The following IMMP2L variants were observed in gnomAD, a reference collection of about 807,000 sequenced individuals.
IMMP2L encodes the protein inner mitochondrial membrane peptidase subunit 2.
Under a neutral mutation model 19.3 loss-of-function variants are expected in IMMP2L, and 18 were observed. The observed-to-expected ratio is 0.93, with a 90% CI of 0.64 to 1.38. IMMP2L has a LOEUF of 1.38. IMMP2L is among the 40% of genes most tolerant of loss of function. The pLI, the probability that IMMP2L is intolerant of heterozygous loss-of-function variation, is 0.00. For synonymous variants in IMMP2L, 76 were observed against 73.0 expected, an observed-to-expected ratio of 1.04 and a Z score of -0.21; for missense variants, 233 against 218.2, an observed-to-expected ratio of 1.07 and a Z score of -0.43.
chr7:111,296,005 C>G (rs1422039543), intron 3 of IMMP2L, among the ~76,000 whole-genome samples: 7 of 133,286 alleles, frequency 5.3e-5, no homozygotes, highest in Non-Finnish European at 1.1e-4. Flanking sequence ...AAAAAAAGCA[C>G]TAAAAATGAA....
At chr7:111,529,019 G>A (rs1847146174) in intron 1 of IMMP2L, among the ~76,000 whole-genome samples, 1 of 152,108 alleles carries the variant, frequency 6.6e-6, no homozygotes, top group African/African-American at 2.4e-5. Flanking sequence ...TATAGAACAA[G>A]GTCAGCATGG....
chr7:110,714,238 G>A (rs531271592), intron 5 of IMMP2L, among the ~76,000 whole-genome samples: 7 of 152,220 alleles, frequency 4.6e-5, no homozygotes, highest in African/African-American at 9.6e-5. Context: ...ATTGACTTGC[G>A]TATGTTGAAC....
intron 3 of IMMP2L, chr7:111,097,367 G>A (rs1797512129): frequency 6.6e-6 from 1 of 151,832 alleles, no homozygotes; most frequent in African/African-American, 2.4e-5. Flanking sequence ...ACATTTAAGA[G>A]ACTTCGTTTT....
intron 3 of IMMP2L, among the ~76,000 whole-genome samples, chr7:111,186,580 C>T (rs1242064686): frequency 1.3e-5 from 2 of 152,054 alleles, no homozygotes; most frequent in Non-Finnish European, 2.9e-5. Context: ...AGGCACGTGC[C>T]ACCAAGCCTG....
chr7:111,383,764 G>C (rs949458032), intron 3 of IMMP2L, among the ~76,000 whole-genome samples: 11 of 152,084 alleles, frequency 7.2e-5, no homozygotes, highest in African/African-American at 2.4e-4. Context: ...AAGTTTTTCT[G>C]CCTCTTTCTT....
intron 5 of IMMP2L, among the ~76,000 whole-genome samples, chr7:110,714,968 G>T (rs1795144897): frequency 6.6e-6 from 1 of 152,024 alleles, no homozygotes; most frequent in South Asian, 2.1e-4. Context: ...TCTGTTCAGG[G>T]TTTCAATTTC....
chr7:111,409,151 T>C (rs1182708550), intron 3 of IMMP2L, among the ~76,000 whole-genome samples: 2 of 151,818 alleles, frequency 1.3e-5, no homozygotes, highest in African/African-American at 2.4e-5. Flanking sequence ...AATGTTTTTG[T>C]GTATTGATTA....
intron 1 of IMMP2L, among the ~76,000 whole-genome samples, chr7:111,545,778 T>C (rs1451697416): frequency 6.6e-6 from 1 of 152,166 alleles, no homozygotes; most frequent in Non-Finnish European, 1.5e-5. Flanking sequence ...GAGTTGAATA[T>C]ATTTCTTCTT....
In IMMP2L at chr7:110,727,113, T is replaced by C. The variant is rs1795934791; in HGVS notation, c.409-63392A>G. ...TAAAATCCTCCAAGTCCAGGCTGGG[T>C]GCAATGGCTCACGCCTATAATTCCA... On this transcript the variant is annotated intron_variant, in intron 5 of 5. Coordinates refer to ENST00000405709, the MANE Select transcript of IMMP2L (RefSeq NM_032549.4). The surrounding 1 kb of genome is among the most constrained non-coding windows in gnomAD (Gnocchi z 4.3). Among the ~76,000 whole-genome samples, 1 of 152,096 alleles carries C rather than the reference T, an allele frequency of 6.6e-6. No homozygotes were observed. The highest frequency in any genetic ancestry group is 2.4e-5 in the African/African-American group (1 of 41,406).
At chr7:110,898,529 A>G (rs1171017128) in intron 4 of IMMP2L, among the ~76,000 whole-genome samples, 1 of 152,190 alleles carries the variant, frequency 6.6e-6, no homozygotes, top group Admixed American at 6.6e-5. Flanking sequence ...ATGTCTTCAT[A>G]CTTAGAAGTC....
rs150962506 is a variant in IMMP2L at position 111,151,179 on chromosome 7, C to T, written c.240-187614G>A. ...TACCTGAGCATAAAGAAAGTTCAAT[C>T]AGCATTTGTTGAACTTAAATAGTAA... is the stretch of plus-strand genomic sequence containing the variant. On this transcript the variant is annotated intron_variant, in intron 3 of 5. Coordinates refer to ENST00000405709, the MANE Select transcript of IMMP2L (RefSeq NM_032549.4). Among the ~76,000 whole-genome samples, 287 of 152,314 alleles carry T rather than the reference C, an allele frequency of 1.9e-3. 1 individual carries two copies. Among genetic ancestry groups the T allele is most frequent in the African/African-American group, 6.8e-3 (282 of 41,570 alleles).
intron 3 of IMMP2L, among the ~76,000 whole-genome samples, chr7:111,472,490 T>C (rs946603454): frequency 2.6e-5 from 4 of 152,122 alleles, no homozygotes; most frequent in African/African-American, 9.7e-5. Context: ...CTTTGCCCAA[T>C]AAAATCTTCA....
At chr7:111,102,714 A>C (rs943560422) in intron 3 of IMMP2L, among the ~76,000 whole-genome samples, 13 of 151,584 alleles carry the variant, frequency 8.6e-5, no homozygotes, top group African/African-American at 3.1e-4. Context: ...AGAATAATCC[A>C]GCTTCTTCGT....
At chr7:111,110,730 C>T (rs556827463) in intron 3 of IMMP2L, among the ~76,000 whole-genome samples, 152 of 152,240 alleles carry the variant, frequency 1.0e-3, no homozygotes, top group African/African-American at 3.4e-3. Context: ...TGAACTATTT[C>T]TGCAGTAGAC....
At chr7:110,671,333 G>T (rs941879735) in intron 5 of IMMP2L, among the ~76,000 whole-genome samples, 80 of 152,208 alleles carry the variant, frequency 5.3e-4, no homozygotes, top group African/African-American at 1.9e-3. Flanking sequence ...TGTTAATATG[G>T]CTTAGATTCT....
chr7:110,812,109 C>T (rs933011663), intron 5 of IMMP2L, among the ~76,000 whole-genome samples: 1 of 152,024 alleles, frequency 6.6e-6, no homozygotes, highest in South Asian at 2.1e-4. Flanking sequence ...TGTATATATA[C>T]ATAAATGTAC....
chr7:111,254,722 A>T (rs7810543), intron 3 of IMMP2L, among the ~76,000 whole-genome samples: 10 of 151,852 alleles, frequency 6.6e-5, no homozygotes, highest in Non-Finnish European at 1.2e-4. Flanking sequence ...TCTGCACAAC[A>T]TAAGTCCCAG....
intron 3 of IMMP2L, among the ~76,000 whole-genome samples, chr7:111,442,061 C>T (rs1037753353): frequency 1.2e-4 from 18 of 151,640 alleles, no homozygotes; most frequent in African/African-American, 4.1e-4. Context: ...CGCTTGAACC[C>T]AGGAAGCGGA....
intron 3 of IMMP2L, among the ~76,000 whole-genome samples, chr7:111,341,622 T>A (rs1488119102): frequency 6.6e-6 from 1 of 152,288 alleles, no homozygotes; most frequent in Admixed American, 6.5e-5. Flanking sequence ...TTAGCCTTGA[T>A]AACATATGAA....
Sources: gnomAD v4.1 joint callset for allele counts (sites outside exome capture counted in the v4.1 genomes callset) on GRCh38, gnomAD v4.1.1 for gene constraint, Gnocchi (gnomAD v3.1) non-coding constraint, MANE v1.5 for transcripts, NCBI Gene and HGNC (gene_info 2026-07-23, HGNC 2026-07-21) for gene names.